Variants in COPG2 observed in about 807,000 individuals in gnomAD.
COPG2 encodes the protein coat protein complex I subunit gamma 2, also known as coatomer subunit gamma-2.
Under a neutral mutation model 46.3 loss-of-function variants are expected in COPG2, and 37 were observed. The ratio of observed to expected loss-of-function variants is 0.80; its 90% CI spans 0.61 to 1.05. The LOEUF (loss-of-function observed/expected upper bound fraction) is 1.05, where lower values mean the gene tolerates loss of function less well. Ranked by LOEUF, COPG2 falls within the 50% of genes least tolerant of loss-of-function variation. The pLI is 0.00. For synonymous variants in COPG2, 159 were observed against 129.7 expected, an observed-to-expected ratio of 1.23 and a Z score of -1.53; for missense variants, 427 against 387.8, an observed-to-expected ratio of 1.10 and a Z score of -0.85.
intron 9 of COPG2, among the ~76,000 whole-genome samples, chr7:130,609,846 TC>T (rs1415851837): frequency 6.6e-6 from 1 of 152,198 alleles, no homozygotes; most frequent in Non-Finnish European, 1.5e-5. Flanking sequence ...AGATTTTTTT[TC>T]TAGTTTCTAT....
intron 6 of COPG2, among the ~76,000 whole-genome samples, chr7:130,615,643 A>G (rs1349886038): frequency 1.3e-5 from 2 of 152,238 alleles, no homozygotes; most frequent in African/African-American, 4.8e-5. Flanking sequence ...TGAGCCTAGA[A>G]GTTAGGACTG....
intron 20 of COPG2, chr7:130,509,819 G>T (rs1031009579): frequency 2.0e-6 from 1 of 506,682 alleles, no homozygotes; most frequent in African/African-American, 1.9e-5. Context: ...TTAAGAGAGT[G>T]CCATGTGAGG....
At position 130,668,618 on chromosome 7, in the gene COPG2, AG is replaced by A. The variant is rs1554461972; in HGVS notation, c.37+13del. 3 of 1,525,000 alleles carry A rather than the reference AG, an allele frequency of 2.0e-6. No individual in the cohort carries two copies. Among genetic ancestry groups the A allele is most frequent in the Non-Finnish European group, 2.6e-6 (3 of 1,137,752 alleles). 94.5% of individuals were successfully genotyped at this position (1,525,000 alleles called of 1,614,324 possible). ...CCCGCGGCTGAGGGTGGGCCTCGGA[AG>A]CCCCGCGCGTACCAGACTCCTCGTC... On this transcript the variant is annotated intron_variant, in intron 1 of 23. Coordinates refer to ENST00000425248, the MANE Select transcript of COPG2 (RefSeq NM_012133.6).
chr7:130,599,842 A>G (rs931152715), intron 9 of COPG2, among the ~76,000 whole-genome samples: 4 of 152,200 alleles, frequency 2.6e-5, no homozygotes, highest in African/African-American at 9.7e-5. Context: ...GAAATGTGCT[A>G]CTTCCTAATA....
At chr7:130,555,933 C>A (rs1049840189) in intron 12 of COPG2, among the ~76,000 whole-genome samples, 93 of 152,326 alleles carry the variant, frequency 6.1e-4, no homozygotes, top group Non-Finnish European at 1.1e-3. Context: ...TAACCTGTCA[C>A]AATTTCATGG....
chr7:130,528,503 T>C (rs1584964062), intron 20 of COPG2, among the ~76,000 whole-genome samples: 1 of 151,692 alleles, frequency 6.6e-6, no homozygotes, highest in Non-Finnish European at 1.5e-5. Flanking sequence ...CGGGGCCAGG[T>C]CAAGAAGGGA....
At chr7:130,593,198 G>A (rs1235489264) in intron 9 of COPG2, among the ~76,000 whole-genome samples, 2 of 152,262 alleles carry the variant, frequency 1.3e-5, no homozygotes, top group Admixed American at 1.3e-4. Context: ...AGGACCAGAG[G>A]TGAAAGACTC....
intron 20 of COPG2, among the ~76,000 whole-genome samples, chr7:130,519,535 G>GA (rs1799708362): frequency 6.6e-6 from 1 of 152,174 alleles, no homozygotes; most frequent in Admixed American, 6.5e-5. Context: ...TGATACAGCT[G>GA]AATGAAGAAA....
At chr7:130,640,138 A>G (rs1217207161) in intron 5 of COPG2, among the ~76,000 whole-genome samples, 4 of 146,738 alleles carry the variant, frequency 2.7e-5, no homozygotes, top group Non-Finnish European at 6.0e-5. Context: ...CCAGCTCTCC[A>G]GCTTGCAGTC....
At chr7:130,667,609 T>C in intron 1 of COPG2, 75 bp from the exon 2 acceptor site, 2 of 1,195,614 alleles carry the variant, frequency 1.7e-6, no homozygotes, top group Non-Finnish European at 2.4e-6. Flanking sequence ...CAGAGAAGGG[T>C]ACTGAATGCT....
intron 5 of COPG2, among the ~76,000 whole-genome samples, chr7:130,627,161 T>C (rs1795134341): frequency 6.6e-6 from 1 of 152,218 alleles, no homozygotes; most frequent in Non-Finnish European, 1.5e-5. Flanking sequence ...TTTCCTATAG[T>C]AAATGCTCTT....
At chr7:130,635,172 T>C (rs1484235210) in intron 5 of COPG2, among the ~76,000 whole-genome samples, 2 of 151,738 alleles carry the variant, frequency 1.3e-5, no homozygotes, top group African/African-American at 4.8e-5. Context: ...TGAAATTTTC[T>C]TTTTTTGTTG....
chr7:130,550,411 C>CAAAAAAAAAAAAAAAA (rs1158918044), intron 17 of COPG2, 113 bp downstream of exon 17: 1 of 103,012 alleles, frequency 9.7e-6, no homozygotes. Context: ...GACTCTATCT[C>CAAAAAAAAAAAAAAAA]AAAAAAAAAA....
intron 20 of COPG2, among the ~76,000 whole-genome samples, chr7:130,513,044 A>G (rs36164598): frequency 0.47 from 71,317 of 151,258 alleles, 18,137 homozygotes; most frequent in East Asian, 0.59. Flanking sequence ...CCAGCACTTC[A>G]GGGGACTGAG....
chr7:130,648,396 C>T (rs10248294), intron 5 of COPG2, among the ~76,000 whole-genome samples: 22,167 of 152,092 alleles, frequency 0.15, 2,969 homozygotes, highest in African/African-American at 0.36. Context: ...AAGATCCCCC[C>T]AAAGTCTCAA....
chr7:130,577,178 G>A (rs1401454352), intron 9 of COPG2, among the ~76,000 whole-genome samples: 16 of 152,190 alleles, frequency 1.1e-4, no homozygotes, highest in Non-Finnish European at 1.5e-5. Flanking sequence ...CAAGATGGCC[G>A]AATAGGAACA....
chr7:130,625,793 A>G (rs1447781186), intron 5 of COPG2, among the ~76,000 whole-genome samples: 8 of 151,228 alleles, frequency 5.3e-5, no homozygotes, highest in African/African-American at 1.9e-4. Context: ...TTCTGTTTTT[A>G]TCTATACTAA....
intron 4 of COPG2, among the ~76,000 whole-genome samples, chr7:130,658,102 T>C (rs1242947757): frequency 1.1e-4 from 17 of 152,234 alleles, no homozygotes; most frequent in African/African-American, 3.9e-4. Context: ...TGAATGTTTA[T>C]AGCAATGTTG....
chr7:130,668,375 C>A (rs1796136585), intron 1 of COPG2, among the ~76,000 whole-genome samples: 1 of 149,760 alleles, frequency 6.7e-6, no homozygotes, highest in African/African-American at 2.4e-5. Flanking sequence ...GGCTGCGCCG[C>A]AAGAGGGGCG....
Sources: gnomAD v4.1 joint callset for allele counts (sites outside exome capture counted in the v4.1 genomes callset) on GRCh38, gnomAD v4.1.1 for gene constraint, MANE v1.5 for transcripts, NCBI Gene and HGNC (gene_info 2026-07-23, HGNC 2026-07-21) for gene names.